The following PCSK5 variants were observed in gnomAD, a reference collection of about 807,000 sequenced individuals.
The protein encoded by PCSK5 is prohormone convertase 5.
PCSK5 carries 129 observed loss-of-function variants against 233.2 expected under a neutral mutation model. That is an observed-to-expected ratio of 0.55 (90% CI 0.48 to 0.64). PCSK5 has a LOEUF of 0.64. Among genes scored for constraint, PCSK5 ranks in the 30% least tolerant of loss-of-function variants. PCSK5 has a pLI of 0.00. For missense variants in PCSK5, 2,076 were observed against 2,430.1 expected, an observed-to-expected ratio of 0.85 and a Z score of 3.06; for synonymous variants, 825 against 879.2, an observed-to-expected ratio of 0.94 and a Z score of 1.09.
chr9:76,122,621 A>G (rs140788085), intron 9 of PCSK5, among the ~76,000 whole-genome samples: 4 of 152,180 alleles, frequency 2.6e-5, no homozygotes, highest in East Asian at 3.9e-4. Context: ...TTTTGGCCCA[A>G]TGTAGCTTCA....
chr9:76,239,884 T>C (rs1158880139), intron 23 of PCSK5, among the ~76,000 whole-genome samples: 2 of 152,110 alleles, frequency 1.3e-5, no homozygotes, highest in East Asian at 3.9e-4. Context: ...AATTTGCCCA[T>C]GCCTTGGTGT....
chr9:76,064,161 G>A (rs1830158043), intron 5 of PCSK5, among the ~76,000 whole-genome samples: 5 of 125,330 alleles, frequency 4.0e-5, no homozygotes, highest in Admixed American at 2.9e-4. Flanking sequence ...CCTCCCGGAC[G>A]GGGCGGCTGG....
intron 9 of PCSK5, among the ~76,000 whole-genome samples, chr9:76,132,299 C>T (rs1185934292): frequency 6.6e-6 from 1 of 152,032 alleles, no homozygotes; most frequent in Admixed American, 6.6e-5. Context: ...AGCCTGCCTC[C>T]CTTTCTTGAA....
chr9:75,966,229 A>G (rs982150409), intron 2 of PCSK5, among the ~76,000 whole-genome samples: 3 of 152,242 alleles, frequency 2.0e-5, no homozygotes, highest in African/African-American at 7.2e-5. Flanking sequence ...GGCATGTCAC[A>G]AAAAGGAACA....
chr9:75,984,819 G>A (rs1826434685), intron 2 of PCSK5, among the ~76,000 whole-genome samples: 1 of 152,130 alleles, frequency 6.6e-6, no homozygotes, highest in South Asian at 2.1e-4. Flanking sequence ...TTTTTGAAAT[G>A]AAGAGGTTAA....
intron 1 of PCSK5, among the ~76,000 whole-genome samples, chr9:75,905,740 A>T (rs1349585757): frequency 6.6e-6 from 1 of 152,066 alleles, no homozygotes; most frequent in East Asian, 1.9e-4. Flanking sequence ...AGCAGGGCGA[A>T]CCCTGTTGTG....
At chr9:76,348,061 A>G (rs1056498964) in intron 35 of PCSK5, among the ~76,000 whole-genome samples, 2 of 152,160 alleles carry the variant, frequency 1.3e-5, no homozygotes, top group African/African-American at 4.8e-5. Flanking sequence ...ACTTGAGGTC[A>G]GGAATTTGAG....
At chr9:76,310,112 G>A (rs1357150239) in intron 29 of PCSK5, among the ~76,000 whole-genome samples, 1 of 152,090 alleles carries the variant, frequency 6.6e-6, no homozygotes, top group Non-Finnish European at 1.5e-5. Context: ...GCCAGGTGTG[G>A]TGGTGCACGC....
chr9:76,302,587 T>G (rs529481770), intron 28 of PCSK5, among the ~76,000 whole-genome samples: 7 of 152,160 alleles, frequency 4.6e-5, no homozygotes, highest in African/African-American at 1.7e-4. Flanking sequence ...TCACAAAGAC[T>G]GGAAAAAACT....
intron 5 of PCSK5, among the ~76,000 whole-genome samples, chr9:76,036,090 T>C (rs1304237822): frequency 6.6e-6 from 1 of 152,176 alleles, no homozygotes; most frequent in African/African-American, 2.4e-5. Context: ...ATTGTTTAGA[T>C]ATTGGTTACC....
intron 20 of PCSK5, among the ~76,000 whole-genome samples, chr9:76,219,507 G>T (rs1294070861): frequency 6.6e-6 from 1 of 152,160 alleles, no homozygotes; most frequent in Non-Finnish European, 1.5e-5. Flanking sequence ...AAGCTCTGTG[G>T]GGAGGACTTG....
chr9:76,240,550 T>C, intron 23 of PCSK5, 66 bp from the exon 24 acceptor site: 1 of 1,075,978 alleles, frequency 9.3e-7, no homozygotes, highest in Non-Finnish European at 1.4e-6. Flanking sequence ...AACATATTTT[T>C]GTAGCAATTA....
chr9:75,915,312 C>G (rs115610693), intron 1 of PCSK5, among the ~76,000 whole-genome samples: 23 of 152,240 alleles, frequency 1.5e-4, no homozygotes, highest in African/African-American at 5.5e-4. Context: ...TGTTGAGCAG[C>G]CTGTTCTGTT....
At chr9:76,329,206 G>A (rs1259346188) in intron 33 of PCSK5, among the ~76,000 whole-genome samples, 2 of 151,976 alleles carry the variant, frequency 1.3e-5, no homozygotes, top group Non-Finnish European at 2.9e-5. Flanking sequence ...CACGATCATG[G>A]TTCACTGCAG....
chr9:76,296,261 G>A (rs993905725), intron 26 of PCSK5, among the ~76,000 whole-genome samples: 2 of 152,184 alleles, frequency 1.3e-5, no homozygotes, highest in Admixed American at 1.3e-4. Context: ...CACCTCGCCC[G>A]ACCTGGATTT....
At chr9:76,334,117 A>C (rs1490138928) in intron 34 of PCSK5, among the ~76,000 whole-genome samples, 1 of 152,100 alleles carries the variant, frequency 6.6e-6, no homozygotes, top group Non-Finnish European at 1.5e-5. Flanking sequence ...AGCCAGGCGA[A>C]ACGGGTTTCT....
At chr9:76,016,143 A>G (rs1827938868) in intron 3 of PCSK5, among the ~76,000 whole-genome samples, 1 of 152,222 alleles carries the variant, frequency 6.6e-6, no homozygotes, top group East Asian at 1.9e-4. Flanking sequence ...TATCCTGACA[A>G]ACTGTGTTAA....
At chr9:76,335,065 A>G (rs1011503308) in intron 34 of PCSK5, among the ~76,000 whole-genome samples, 2 of 152,166 alleles carry the variant, frequency 1.3e-5, no homozygotes, top group African/African-American at 4.8e-5. Context: ...GCAACAGAAC[A>G]AGACCCTGTC....
chr9:76,179,594 A>G lies in PCSK5; in HGVS notation c.1901-2A>G, dbSNP rs777675968. The G allele has an allele frequency of 6.2e-7, 1 of 1,610,798 alleles. No homozygotes were observed. The highest frequency in any genetic ancestry group is 8.5e-7 in the Non-Finnish European group (1 of 1,177,170). Reference sequence around the variant, plus strand: ...AGTATTGTTCTAATGTCTTTTGGAAAGGTCCCTGCGACCCTGAGTGCAGTG... The same window carrying G: ...AGTATTGTTCTAATGTCTTTTGGAAGGGTCCCTGCGACCCTGAGTGCAGTG... On this transcript the variant is annotated splice_acceptor_variant, in intron 14 of 37. Coordinates refer to ENST00000674117, the MANE Select transcript of PCSK5 (RefSeq NM_001372043.1). LOFTEE classifies it high-confidence loss of function.
Sources: allele counts gnomAD v4.1 joint callset (sites outside exome capture counted in the v4.1 genomes callset), GRCh38; gene constraint gnomAD v4.1.1; transcripts MANE v1.5; gene names NCBI Gene and HGNC (gene_info 2026-07-23, HGNC 2026-07-21).